SHISA9: variants seen among roughly 807,000 people sequenced by gnomAD.
SHISA9 encodes protein shisa-9.
In SHISA9, 13 loss-of-function variants were observed where a neutral mutation model predicts 38.0. The ratio of observed to expected loss-of-function variants is 0.34; its 90% CI spans 0.22 to 0.54. The LOEUF (loss-of-function observed/expected upper bound fraction) is 0.54, where lower values mean the gene tolerates loss of function less well. Ranked by LOEUF, SHISA9 falls within the 20% of genes least tolerant of loss-of-function variation. The probability of loss-of-function intolerance (pLI) is 0.91; values close to 1 mark genes in which losing one functional copy is unlikely to be tolerated. For synonymous variants in SHISA9, 275 were observed against 242.0 expected (o/e 1.14, Z -1.27); for missense variants, 538 against 575.8 (o/e 0.93, Z 0.67).
chr16:13,469,409 G>GAAA, the SHISA9 span, among the ~76,000 whole-genome samples: 1 of 124,504 alleles, frequency 8.0e-6, no homozygotes, highest in African/African-American at 3.2e-5. Flanking sequence ...AAGAAAGAAA[G>GAAA]AAAGAAAGAA....
chr16:13,323,246 C>A, the SHISA9 span, among the ~76,000 whole-genome samples: 1 of 152,146 alleles, frequency 6.6e-6, no homozygotes. Flanking sequence ...ACCAAACATC[C>A]TTTTGGTAAT....
chr16:13,274,129 G>A, the SHISA9 span, among the ~76,000 whole-genome samples: 1 of 152,090 alleles, frequency 6.6e-6, no homozygotes, highest in African/African-American at 2.4e-5. Flanking sequence ...CCTCTTACTT[G>A]AAGGCTCGTA....
the SHISA9 span, among the ~76,000 whole-genome samples, chr16:13,498,376 G>A: frequency 1.3e-5 from 2 of 152,182 alleles, no homozygotes; most frequent in Non-Finnish European, 2.9e-5. Flanking sequence ...AGTAAACTTT[G>A]CAGTAAACAA....
chr16:13,098,775 A>C (rs2073851162), intron 2 of SHISA9, among the ~76,000 whole-genome samples: 2 of 152,206 alleles, frequency 1.3e-5, no homozygotes, highest in African/African-American at 4.8e-5. Context: ...ATGAAATTGC[A>C]AAAAGGCTGG....
rs868680663 is a variant in SHISA9 at position 12,970,463 on chromosome 16, G to A, written c.691+53648G>A. 2.5e-3 allele frequency among the ~76,000 whole-genome samples: 61 copies of A among 24,598 alleles called. 2 individuals are homozygous for A. Among genetic ancestry groups the A allele is most frequent in the African/African-American group, 9.2e-3 (49 of 5,320 alleles). 16.1% of individuals were successfully genotyped at this position (24,598 alleles called of 152,430 possible). A position where few individuals can be genotyped will look rare whatever the true frequency, so the allele number is the denominator to read the frequency against. ...TACACACATATATATATACATATAT[G>A]TGTGTGTATATATATATATATATAT... On this transcript the variant is annotated intron_variant, in intron 2 of 4. Transcript: ENST00000558583.
the SHISA9 span, among the ~76,000 whole-genome samples, chr16:13,467,788 C>A: frequency 6.6e-6 from 1 of 152,184 alleles, no homozygotes; most frequent in African/African-American, 2.4e-5. Flanking sequence ...GATCTTGGGC[C>A]ACCAGCCATA....
intron 2 of SHISA9, among the ~76,000 whole-genome samples, chr16:13,185,914 A>C (rs2050816998): frequency 6.6e-6 from 1 of 152,218 alleles, no homozygotes. Flanking sequence ...GTAAAACTGG[A>C]AATGTTATAG....
chr16:13,144,972 C>A (rs1403015000), intron 2 of SHISA9, among the ~76,000 whole-genome samples: 1 of 152,190 alleles, frequency 6.6e-6, no homozygotes, highest in Non-Finnish European at 1.5e-5. Context: ...GAAGATAGAG[C>A]TTTTGGCAGA....
chr16:13,148,802 C>G (rs2050471946), intron 2 of SHISA9, among the ~76,000 whole-genome samples: 1 of 150,856 alleles, frequency 6.6e-6, no homozygotes, highest in African/African-American at 2.4e-5. Flanking sequence ...AGGCCACACA[C>G]AATCCTAGCC....
the SHISA9 span, among the ~76,000 whole-genome samples, chr16:13,498,074 TA>T: frequency 1.3e-5 from 2 of 151,644 alleles, no homozygotes; most frequent in African/African-American, 4.8e-5. Flanking sequence ...AACAACAAAT[TA>T]AAAAAATCAG....
chr16:13,359,169 C>T, the SHISA9 span, among the ~76,000 whole-genome samples: 1 of 151,988 alleles, frequency 6.6e-6, no homozygotes, highest in Non-Finnish European at 1.5e-5. Flanking sequence ...CTTCAAAATT[C>T]CAATAATTAG....
chr16:13,039,506 G>C (rs1351300360), intron 2 of SHISA9, among the ~76,000 whole-genome samples: 1 of 61,136 alleles, frequency 1.6e-5, no homozygotes, highest in African/African-American at 5.6e-5. Context: ...TTTTTTTTTT[G>C]AAACTTATAG....
At chr16:13,292,605 C>G in the SHISA9 span, among the ~76,000 whole-genome samples, 3 of 152,050 alleles carry the variant, frequency 2.0e-5, no homozygotes, top group Non-Finnish European at 4.4e-5. Flanking sequence ...TCCCTGAAAT[C>G]CAGTCCTCAT....
At chr16:13,060,497 G>A (rs979784579) in intron 2 of SHISA9, among the ~76,000 whole-genome samples, 2 of 151,938 alleles carry the variant, frequency 1.3e-5, no homozygotes, top group Non-Finnish European at 1.5e-5. Context: ...AGCCTAGCAC[G>A]GTGCTTGGGT....
chr16:13,479,591 T>C, the SHISA9 span, among the ~76,000 whole-genome samples: 1 of 151,950 alleles, frequency 6.6e-6, no homozygotes, highest in African/African-American at 2.4e-5. Context: ...AATTTATACA[T>C]ATATATATAT....
At chr16:13,047,947 A>G (rs1391697966) in intron 2 of SHISA9, among the ~76,000 whole-genome samples, 1 of 152,214 alleles carries the variant, frequency 6.6e-6, no homozygotes, top group Non-Finnish European at 1.5e-5. Flanking sequence ...GCACAGTTTT[A>G]TACCATGTGG....
the SHISA9 span, among the ~76,000 whole-genome samples, chr16:13,304,336 G>A: frequency 4.6e-5 from 7 of 152,308 alleles, no homozygotes; most frequent in East Asian, 9.6e-4. Flanking sequence ...ACGGCTCACC[G>A]TGGCCTCAAT....
chr16:13,015,884 TTCTTTC>T (rs1316750877), intron 2 of SHISA9, among the ~76,000 whole-genome samples: 10 of 113,774 alleles, frequency 8.8e-5, no homozygotes, highest in African/African-American at 2.9e-4. Flanking sequence ...CTTTCTTTCT[TTCTTTC>T]TTTCTTTCTT....
At chr16:13,247,048 C>A in the SHISA9 span, among the ~76,000 whole-genome samples, 634 of 151,646 alleles carry the variant, frequency 4.2e-3, 8 homozygotes, top group Admixed American at 0.03. Context: ...ACTCACAGTT[C>A]CACGTGGCTG....
Sources: allele counts gnomAD v4.1 joint callset (sites outside exome capture counted in the v4.1 genomes callset), GRCh38; gene constraint gnomAD v4.1.1; transcripts MANE v1.5; gene names NCBI Gene and HGNC (gene_info 2026-07-23, HGNC 2026-07-21).